OXR1: variants seen among roughly 807,000 people sequenced by gnomAD.
OXR1 encodes oxidation resistance protein 1.
Under a neutral mutation model 104.6 loss-of-function variants are expected in OXR1, and 41 were observed. The observed-to-expected ratio is 0.39, with a 90% confidence interval of 0.31 to 0.51. The LOEUF is 0.51. Ranked by LOEUF, OXR1 falls within the 20% of genes least tolerant of loss-of-function variation. The pLI is 0.77. For synonymous variants in OXR1, 348 were observed against 348.4 expected, an observed-to-expected ratio of 1.00 and a Z score of 0.01; for missense variants, 955 against 1,031.9, an observed-to-expected ratio of 0.93 and a Z score of 1.02.
intron 2 of OXR1, among the ~76,000 whole-genome samples, chr8:106,503,604 A>G (rs1159353217): frequency 6.6e-6 from 1 of 152,220 alleles, no homozygotes; most frequent in Admixed American, 6.5e-5. Flanking sequence ...GGGGGAAACA[A>G]TGGCTTAGAC....
At chr8:106,619,805 T>C (rs1821547453) in intron 3 of OXR1, among the ~76,000 whole-genome samples, 1 of 152,156 alleles carries the variant, frequency 6.6e-6, no homozygotes, top group South Asian at 2.1e-4. Context: ...ATCAGGAGAT[T>C]TGGCGTGAGC....
At chr8:106,403,627 A>T (rs1178573629) in intron 2 of OXR1, among the ~76,000 whole-genome samples, 5 of 152,062 alleles carry the variant, frequency 3.3e-5, no homozygotes, top group Admixed American at 6.5e-5. Context: ...GAGCCTTTGA[A>T]TTTTTTCCTC....
chr8:106,664,641 GTT>G (rs1263930652), intron 3 of OXR1, among the ~76,000 whole-genome samples: 2 of 152,152 alleles, frequency 1.3e-5, no homozygotes, highest in African/African-American at 4.8e-5. Context: ...TTGCGTAATT[GTT>G]TTTTGACTTG....
At chr8:106,522,014 G>A (rs1287885659) in intron 3 of OXR1, among the ~76,000 whole-genome samples, 1 of 152,046 alleles carries the variant, frequency 6.6e-6, no homozygotes, top group Non-Finnish European at 1.5e-5. Flanking sequence ...CCAAGTAAGT[G>A]CATTTAAATT....
At chr8:106,520,107 G>C (rs767369218) in intron 3 of OXR1, among the ~76,000 whole-genome samples, 1 of 152,156 alleles carries the variant, frequency 6.6e-6, no homozygotes, top group Non-Finnish European at 1.5e-5. Flanking sequence ...GTGGCTTAAT[G>C]GGTTAACCAG....
intron 12 of OXR1, among the ~76,000 whole-genome samples, chr8:106,739,148 C>A (rs1422890905): frequency 6.6e-6 from 1 of 150,712 alleles, no homozygotes; most frequent in African/African-American, 2.4e-5. Flanking sequence ...GACTTTTGCC[C>A]TTCAAGGGCT....
chr8:106,601,110 A>T (rs1282936529), intron 3 of OXR1, among the ~76,000 whole-genome samples: 1 of 152,212 alleles, frequency 6.6e-6, no homozygotes, highest in Non-Finnish European at 1.5e-5. Flanking sequence ...AAGGATTTTA[A>T]GCAGAATAAC....
intron 1 of OXR1, among the ~76,000 whole-genome samples, chr8:106,341,729 C>T (rs373394306): frequency 6.6e-6 from 1 of 152,022 alleles, no homozygotes; most frequent in Admixed American, 6.6e-5. Flanking sequence ...TCATAAGTAC[C>T]ACTGTTTCCC....
Position 106,436,691 on chromosome 8 carries a change from G to A in OXR1, c.23+77055G>A, listed in dbSNP as rs141082230. The stretch of plus-strand genomic sequence containing the variant: ...ATCTCCCTCTCTTCATCTCTTTACT[G>A]TATGTTTCTCTCTGTCAGCTACCTT... On this transcript the variant is annotated intron_variant, in intron 2 of 16. Transcript: ENST00000517566. Among the ~76,000 whole-genome samples the A allele has an allele frequency of 3.9e-5, 6 of 152,156 alleles. No homozygotes were observed. In the East Asian group the frequency reaches 1.2e-3, roughly 30 times the overall value.
At chr8:106,446,970 T>G (rs1820035994) in intron 2 of OXR1, among the ~76,000 whole-genome samples, 1 of 152,110 alleles carries the variant, frequency 6.6e-6, no homozygotes, top group Admixed American at 6.6e-5. Flanking sequence ...GAAACTGAAT[T>G]TTTGTGATGA....
intron 1 of OXR1, among the ~76,000 whole-genome samples, chr8:106,339,492 C>CAAAA (rs562959605): frequency 6.6e-4 from 5 of 7,580 alleles, no homozygotes; most frequent in Admixed American, 3.0e-3. Context: ...AGACTCCATC[C>CAAAA]AAAAAAAAAA....
intron 1 of OXR1, among the ~76,000 whole-genome samples, chr8:106,271,183 C>T (rs570813366): frequency 3.9e-5 from 6 of 152,028 alleles, no homozygotes; most frequent in Admixed American, 3.3e-4. Flanking sequence ...TTCCCCGTGC[C>T]GCCCCTTGAA....
At chr8:106,481,814 A>C (rs1822135452) in intron 2 of OXR1, among the ~76,000 whole-genome samples, 1 of 152,044 alleles carries the variant, frequency 6.6e-6, no homozygotes, top group African/African-American at 2.4e-5. Flanking sequence ...ATTGTCCATT[A>C]ATTTTTATTG....
intron 2 of OXR1, among the ~76,000 whole-genome samples, chr8:106,367,698 T>C (rs921373464): frequency 8.5e-5 from 13 of 152,118 alleles, no homozygotes; most frequent in African/African-American, 1.7e-4. Context: ...AAAAAATATG[T>C]CAGCATGACA....
At chr8:106,730,132 TAGAG>T (rs1027214419) in intron 11 of OXR1, among the ~76,000 whole-genome samples, 2 of 152,162 alleles carry the variant, frequency 1.3e-5, no homozygotes, top group Admixed American at 6.6e-5. Context: ...ATGGAAGGCA[TAGAG>T]AGTTTCCATA....
chr8:106,511,366 A>G (rs1812512858), intron 2 of OXR1, among the ~76,000 whole-genome samples: 1 of 152,222 alleles, frequency 6.6e-6, no homozygotes, highest in Non-Finnish European at 1.5e-5. Flanking sequence ...CCTACTTTAA[A>G]TAATATTCTT....
intron 2 of OXR1, among the ~76,000 whole-genome samples, chr8:106,380,242 T>C (rs1042361622): frequency 6.7e-5 from 10 of 148,274 alleles, no homozygotes; most frequent in Non-Finnish European, 1.2e-4. Context: ...TCTCTTTCTG[T>C]TTTTTCCCCT....
chr8:106,552,550 C>G (rs1274431550), intron 3 of OXR1, among the ~76,000 whole-genome samples: 1 of 152,092 alleles, frequency 6.6e-6, no homozygotes, highest in Non-Finnish European at 1.5e-5. Context: ...GACATTAAAC[C>G]TTAAGGCCTC....
chr8:106,712,882 G>C (rs979877513), intron 10 of OXR1, among the ~76,000 whole-genome samples: 19 of 151,678 alleles, frequency 1.3e-4, no homozygotes, highest in Admixed American at 2.6e-4. Context: ...CATTATTCTT[G>C]GTTTTAATGT....
Sources: gnomAD v4.1 joint callset for allele counts (sites outside exome capture counted in the v4.1 genomes callset) on GRCh38, gnomAD v4.1.1 for gene constraint, MANE v1.5 for transcripts, NCBI Gene and HGNC (gene_info 2026-07-23, HGNC 2026-07-21) for gene names.